Variants in CADM2 observed in about 807,000 individuals in gnomAD.
CADM2 encodes the protein immunoglobulin superfamily member 4D.
In CADM2, 12 loss-of-function variants were observed where a neutral mutation model predicts 49.8. The ratio of observed to expected loss-of-function variants is 0.24; its 90% CI spans 0.15 to 0.39. The LOEUF (loss-of-function observed/expected upper bound fraction) is 0.39. Among genes scored for constraint, CADM2 ranks in the 10% least tolerant of loss-of-function variants. The pLI, the probability that CADM2 is intolerant of heterozygous loss-of-function variation, is 1.00. For missense variants in CADM2, 378 were observed against 492.3 expected, an observed-to-expected ratio of 0.77 and a Z score of 2.20; for synonymous variants, 214 against 175.4, an observed-to-expected ratio of 1.22 and a Z score of -1.74.
intron 1 of CADM2, among the ~76,000 whole-genome samples, chr3:85,508,837 ATGTGTGTGTGTG>A (rs10524905): frequency 6.7e-6 from 1 of 149,926 alleles, no homozygotes; most frequent in African/African-American, 2.5e-5. Context: ...CTGTGTGTGT[ATGTGTGTGTGTG>A]TGTGTGTGTG....
At chr3:85,655,456 G>A (rs2065167828) in intron 1 of CADM2, among the ~76,000 whole-genome samples, 1 of 151,842 alleles carries the variant, frequency 6.6e-6, no homozygotes, top group Non-Finnish European at 1.5e-5. Flanking sequence ...ACCATGCCCA[G>A]CCCCGCTTGG....
intron 1 of CADM2, among the ~76,000 whole-genome samples, chr3:85,102,967 A>G (rs754007546): frequency 6.6e-6 from 1 of 152,188 alleles, no homozygotes; most frequent in Non-Finnish European, 1.5e-5. Context: ...GAATAGCTAT[A>G]TAAATACAGC....
At chr3:85,071,225 C>CT (rs1251469689) in intron 1 of CADM2, among the ~76,000 whole-genome samples, 1 of 150,604 alleles carries the variant, frequency 6.6e-6, no homozygotes, top group Non-Finnish European at 1.5e-5. Context: ...GAAGGGAAGA[C>CT]AGAAGGAAAA....
At chr3:85,771,306 A>C (rs1408995576) in intron 2 of CADM2, among the ~76,000 whole-genome samples, 1 of 152,130 alleles carries the variant, frequency 6.6e-6, no homozygotes, top group Non-Finnish European at 1.5e-5. Context: ...TTCTTTAGGG[A>C]AATTAAATAC....
intron 1 of CADM2, among the ~76,000 whole-genome samples, chr3:85,307,383 C>A (rs2044239573): frequency 6.6e-6 from 1 of 151,674 alleles, no homozygotes. Flanking sequence ...GCTATTCATA[C>A]ATTCACTACT....
intron 8 of CADM2, among the ~76,000 whole-genome samples, chr3:86,006,124 G>A (rs115753312): frequency 6.0e-4 from 91 of 152,254 alleles, no homozygotes; most frequent in African/African-American, 2.0e-3. Context: ...TCTGTTGATG[G>A]ACATTGAGGT....
At chr3:85,717,022 AT>A (rs2067318730) in intron 1 of CADM2, among the ~76,000 whole-genome samples, 2 of 152,140 alleles carry the variant, frequency 1.3e-5, no homozygotes, top group Non-Finnish European at 2.9e-5. Flanking sequence ...GTTTTTTATA[AT>A]TCTGTGAAGA....
chr3:85,127,969 A>G (rs952583113), intron 1 of CADM2, among the ~76,000 whole-genome samples: 1 of 152,148 alleles, frequency 6.6e-6, no homozygotes, highest in Middle Eastern at 3.2e-3. Context: ...AATTAAATGG[A>G]ATTCAAATTT....
In CADM2 at chr3:85,127,692, C is replaced by T. The variant is rs72905302; in HGVS notation, c.61+168024C>T. On this transcript the variant is annotated intron_variant, in intron 1 of 9. Transcript: ENST00000383699. The stretch of plus-strand genomic sequence containing the variant: ...TTTCTCTTCAAACTGGTCTTTTATG[C>T]TTACTTTTAATTTAGGACAGGTATC... 1.8e-3 allele frequency among the ~76,000 whole-genome samples: 268 copies of T among 152,206 alleles called. 2 individuals are homozygous for T. Among genetic ancestry groups the T allele is most frequent in the African/African-American group, 5.7e-3 (238 of 41,544 alleles).
In CADM2 at chr3:85,568,455, C is replaced by CTT. The variant is rs1463965877; in HGVS notation, c.62-158065_62-158064dup. 7.9e-5 allele frequency among the ~76,000 whole-genome samples: 3 copies of CTT among 38,012 alleles called. 1 individual carries two copies. The highest frequency in any genetic ancestry group is 1.5e-4 in the Non-Finnish European group (3 of 20,342). 24.9% of individuals were successfully genotyped at this position (38,012 alleles called of 152,430 possible). On this transcript the variant is annotated intron_variant, in intron 1 of 9. Transcript: ENST00000383699. ...TCTTTCTTTCTTTCTTTCTTTCTTTCTTTCTTTCTCTTTCTCTCTCTTTCT... is the reference window on the plus strand; with the variant it reads ...TCTTTCTTTCTTTCTTTCTTTCTTTCTTTTTCTTTCTCTTTCTCTCTCTTTCT...
rs1739617640 is a variant in CADM2, at chr3:86,069,068, T to A, written c.*2285T>A. On this transcript the variant is annotated 3_prime_UTR_variant, in exon 10 of 10. Coordinates refer to ENST00000383699, the MANE Select transcript of CADM2 (RefSeq NM_001167675.2). ...GAAGTAAGTTGTACAAACTGCATCA[T>A]CAATTACTATGTAAAGCCTAATTTC... 6.6e-6 allele frequency: 1 copy of A among 152,014 alleles called. No homozygotes were observed. Among genetic ancestry groups the A allele is most frequent in the Non-Finnish European group, 1.5e-5 (1 of 67,882 alleles). 9.4% of individuals were successfully genotyped at this position (152,014 alleles called of 1,614,324 possible).
At chr3:85,775,770 A>G (rs2070331248) in intron 2 of CADM2, among the ~76,000 whole-genome samples, 1 of 152,002 alleles carries the variant, frequency 6.6e-6, no homozygotes, top group African/African-American at 2.4e-5. Flanking sequence ...TGAAAAAGGA[A>G]TTATACTCTC....
chr3:85,796,575 A>C (rs1338337326), intron 2 of CADM2, among the ~76,000 whole-genome samples: 1 of 152,120 alleles, frequency 6.6e-6, no homozygotes. Flanking sequence ...AAAGCCTCTG[A>C]TATCAGATTT....
intron 1 of CADM2, among the ~76,000 whole-genome samples, chr3:84,997,369 C>A (rs965995522): frequency 3.3e-5 from 5 of 151,914 alleles, no homozygotes; most frequent in Admixed American, 6.6e-5. Context: ...AACTTTTGGA[C>A]CGATTTTTCC....
intron 1 of CADM2, among the ~76,000 whole-genome samples, chr3:85,295,019 G>A (rs1013418472): frequency 1.3e-5 from 2 of 151,938 alleles, no homozygotes; most frequent in African/African-American, 4.8e-5. Context: ...CAAAATGGGA[G>A]AAAATTTTCA....
At chr3:85,541,151 A>G (rs1215227147) in intron 1 of CADM2, among the ~76,000 whole-genome samples, 2 of 150,846 alleles carry the variant, frequency 1.3e-5, no homozygotes, top group Non-Finnish European at 1.5e-5. Flanking sequence ...ACACATATAT[A>G]CATTTATATA....
intron 1 of CADM2, among the ~76,000 whole-genome samples, chr3:85,438,749 T>G (rs1009069421): frequency 6.6e-6 from 1 of 152,158 alleles, no homozygotes; most frequent in Non-Finnish European, 1.5e-5. Context: ...CACAGCTCAC[T>G]GTAGCCTCAA....
At chr3:85,382,244 G>T (rs969114134) in intron 1 of CADM2, among the ~76,000 whole-genome samples, 3 of 152,098 alleles carry the variant, frequency 2.0e-5, no homozygotes, top group Admixed American at 2.0e-4. Flanking sequence ...GGCTAAGGAG[G>T]TATTGGCAGA....
intron 5 of CADM2, among the ~76,000 whole-genome samples, chr3:85,901,383 T>G (rs1270207174): frequency 6.6e-6 from 1 of 152,210 alleles, no homozygotes; most frequent in Non-Finnish European, 1.5e-5. Flanking sequence ...TGTTATAGTA[T>G]AGATTACAGT....
Sources: gnomAD v4.1 joint callset for allele counts (sites outside exome capture counted in the v4.1 genomes callset) on GRCh38, gnomAD v4.1.1 for gene constraint, MANE v1.5 for transcripts, NCBI Gene and HGNC (gene_info 2026-07-23, HGNC 2026-07-21) for gene names.